Variants in LINS1 observed in about 807,000 individuals in gnomAD.
The protein encoded by LINS1 is protein Lines homolog 1.
A neutral mutation model predicts 41.6 loss-of-function variants in LINS1; 27 were observed. The observed-to-expected ratio is 0.65, with a 90% CI of 0.48 to 0.89. The LOEUF (loss-of-function observed/expected upper bound fraction) is 0.89. LINS1 is among the 40% of genes least tolerant of loss of function. The probability of loss-of-function intolerance (pLI) is 0.00; values close to 1 mark genes in which losing one functional copy is unlikely to be tolerated. For synonymous variants in LINS1, 336 were observed against 312.9 expected (o/e 1.07, Z -0.78); for missense variants, 955 against 884.1 (o/e 1.08, Z -1.02).
At chr15:100,593,204 C>T (rs965665992) in intron 1 of LINS1, among the ~76,000 whole-genome samples, 3 of 152,020 alleles carry the variant, frequency 2.0e-5, no homozygotes, top group Non-Finnish European at 2.9e-5. Flanking sequence ...GATAAATGAA[C>T]GATTTCTCTA....
Position 100,596,035 on chromosome 15 carries a change from T to C in LINS1, c.-104+6086A>G, listed in dbSNP as rs116503498. ...GCATGCCATGTGCCAGTATCTTCCC[T>C]TTAGTTCCATTCTTCACTCTCCTCT... On this transcript the variant is annotated intron_variant, in intron 1 of 6. Transcript: ENST00000314742. 7.4e-3 allele frequency among the ~76,000 whole-genome samples: 1,132 copies of C among 152,330 alleles called. 23 individuals are homozygous for C. The highest frequency in any genetic ancestry group is 0.025 in the African/African-American group (1,044 of 41,568).
At position 100,580,814 on chromosome 15, in the gene LINS1, T is replaced by G. The variant is rs1048324995; in HGVS notation, c.29A>C (p.Glu10Ala). The change falls in exon 2 of 7, where the codon GAG becomes GCG. Residue 10 changes from glutamate to alanine, a missense_variant. Transcript: ENST00000314742. MKVFCEVLE[E>A]LYKKVLLGAT... ...TCCAAGAAGTACCTTCTTGTATAAC[T>G]CTTCTAAAACTTCACAGAAAACTTT... The G allele has an allele frequency of 2.5e-6, 4 of 1,612,616 alleles. No individual in the cohort carries two copies. In the East Asian group the frequency reaches 6.7e-5, roughly 27 times the overall value.
intron 4 of LINS1, 127 bp from the exon 5 acceptor site, chr15:100,574,368 T>C (rs1398784019): frequency 1.0e-5 from 7 of 694,352 alleles, no homozygotes; most frequent in East Asian, 8.1e-5. Flanking sequence ...ACCTCTAACA[T>C]TAACAAATGA....
At chr15:100,570,673 G>A (rs960326570) in intron 6 of LINS1, 2 of 152,550 alleles carry the variant, frequency 1.3e-5, no homozygotes, top group African/African-American at 2.4e-5. Context: ...GTGAGACAGA[G>A]AAAAATTGAG....
intron 1 of LINS1, among the ~76,000 whole-genome samples, chr15:100,584,489 G>C (rs1297719770): frequency 6.6e-6 from 1 of 151,916 alleles, no homozygotes; most frequent in African/African-American, 2.4e-5. Flanking sequence ...AGGTTCTTTG[G>C]TAAGAGTGAT....
At chr15:100,584,609 A>C (rs1466782137) in intron 1 of LINS1, among the ~76,000 whole-genome samples, 1 of 152,176 alleles carries the variant, frequency 6.6e-6, no homozygotes, top group African/African-American at 2.4e-5. Context: ...AGGAAGAAAT[A>C]AACTGTTTCT....
chr15:100,598,859 A>G (rs2039356083), intron 1 of LINS1, among the ~76,000 whole-genome samples: 1 of 152,188 alleles, frequency 6.6e-6, no homozygotes, highest in Non-Finnish European at 1.5e-5. Context: ...GCTGCCAACT[A>G]GAGCATAACC....
chr15:100,597,820 C>T (rs955821241), intron 1 of LINS1, among the ~76,000 whole-genome samples: 2 of 152,174 alleles, frequency 1.3e-5, no homozygotes, highest in Non-Finnish European at 2.9e-5. Context: ...TTACTGAACT[C>T]CTAAATTCTG....
intron 3 of LINS1, among the ~76,000 whole-genome samples, chr15:100,577,526 A>G (rs1394549737): frequency 1.3e-5 from 2 of 152,232 alleles, no homozygotes; most frequent in African/African-American, 4.8e-5. Flanking sequence ...GTAAAAGAGG[A>G]CACAAACAAA....
intron 1 of LINS1, among the ~76,000 whole-genome samples, chr15:100,592,497 C>A: frequency 6.6e-6 from 1 of 151,934 alleles, no homozygotes; most frequent in Non-Finnish European, 1.5e-5. Flanking sequence ...TGATTCCCTC[C>A]CTGCAGTGAG....
At chr15:100,582,662 T>C (rs113357692) in intron 1 of LINS1, among the ~76,000 whole-genome samples, 1 of 147,570 alleles carries the variant, frequency 6.8e-6, no homozygotes, top group East Asian at 2.1e-4. Context: ...TATGGCCCAC[T>C]AGCCTAGTCT....
chr15:100,601,950 C>G (rs1212758460), intron 1 of LINS1, among the ~76,000 whole-genome samples, 171 bp downstream of exon 1: 1 of 152,188 alleles, frequency 6.6e-6, no homozygotes. Flanking sequence ...CGCGCCAAGA[C>G]CGGGCACTTG....
At chr15:100,589,107 C>T (rs1159433253) in intron 1 of LINS1, among the ~76,000 whole-genome samples, 2 of 152,126 alleles carry the variant, frequency 1.3e-5, no homozygotes, top group Non-Finnish European at 2.9e-5. Flanking sequence ...AGGTTTTCAC[C>T]AAAAGTAAAA....
chr15:100,585,079 T>G (rs1309038222), intron 1 of LINS1, among the ~76,000 whole-genome samples: 1 of 152,144 alleles, frequency 6.6e-6, no homozygotes, highest in African/African-American at 2.4e-5. Flanking sequence ...TATATGGATG[T>G]TAAAAGTTGG....
chr15:100,579,748 G>A (rs1042103060), intron 3 of LINS1, among the ~76,000 whole-genome samples: 12 of 152,146 alleles, frequency 7.9e-5, no homozygotes, highest in African/African-American at 2.7e-4. Flanking sequence ...GAGGACTGTT[G>A]TTAGAATTTA....
intron 6 of LINS1, among the ~76,000 whole-genome samples, chr15:100,571,220 C>T (rs1035759394): frequency 2.6e-5 from 4 of 152,128 alleles, no homozygotes; most frequent in African/African-American, 9.7e-5. Context: ...AGCAAGAAAT[C>T]CCTTTCTCCC....
At chr15:100,570,314 C>T (rs1311285468) in intron 6 of LINS1, 197 bp from the exon 7 acceptor site, 1 of 474,436 alleles carries the variant, frequency 2.1e-6, no homozygotes, top group Admixed American at 3.9e-5. Context: ...AAAGCAAAAT[C>T]CACTGACTTT....
intron 6 of LINS1, among the ~76,000 whole-genome samples, chr15:100,571,357 A>G (rs2037812740): frequency 6.6e-6 from 1 of 152,216 alleles, no homozygotes; most frequent in Non-Finnish European, 1.5e-5. Flanking sequence ...ACAAGAAGAT[A>G]TTAACCCAAG....
intron 1 of LINS1, among the ~76,000 whole-genome samples, chr15:100,593,503 T>C (rs755210850): frequency 2.0e-5 from 3 of 149,674 alleles, no homozygotes; most frequent in Non-Finnish European, 3.0e-5. Context: ...ATCGTTAAAC[T>C]TTATTGAGTA....
Sources: allele counts gnomAD v4.1 joint callset (sites outside exome capture counted in the v4.1 genomes callset), GRCh38; gene constraint gnomAD v4.1.1; transcripts MANE v1.5; gene names NCBI Gene and HGNC (gene_info 2026-07-23, HGNC 2026-07-21).